Variants in BLOC1S3 observed in about 807,000 individuals in gnomAD.
BLOC1S3 encodes biogenesis of lysosome-related organelles complex 1 subunit 3.
A neutral mutation model predicts 9.1 loss-of-function variants in BLOC1S3; 7 were observed. The ratio of observed to expected loss-of-function variants is 0.77; its 90% CI spans 0.44 to 1.45. The LOEUF (loss-of-function observed/expected upper bound fraction) is 1.45. Ranked by LOEUF, BLOC1S3 falls within the 40% of genes most tolerant of loss-of-function variation. The pLI, the probability that BLOC1S3 is intolerant of heterozygous loss-of-function variation, is 0.01. For missense variants in BLOC1S3, 307 were observed against 315.2 expected, an observed-to-expected ratio of 0.97 and a Z score of 0.20; for synonymous variants, 145 against 158.4, an observed-to-expected ratio of 0.92 and a Z score of 0.64.
downstream of BLOC1S3, among the ~76,000 whole-genome samples, chr19:45,184,903 C>CAAAAAAAAAAAAAAAAAAAAAAAAA (rs71338752): frequency 4.1e-5 from 2 of 48,278 alleles, no homozygotes; most frequent in Non-Finnish European, 4.0e-5. Context: ...CTGTCTCAAA[C>CAAAAAAAAAAAAAAAAAAAAAAAAA]AAAAAAAAAA....
At chr19:45,209,835 G>A (rs1448976680) in intron 3 of BLOC1S3, among the ~76,000 whole-genome samples, 3 of 151,962 alleles carry the variant, frequency 2.0e-5, no homozygotes, top group South Asian at 2.1e-4. Context: ...GGGTTCAAGC[G>A]ATTCTCCTGA....
Position 45,179,487 on chromosome 19 carries a change from A to T in BLOC1S3, c.191A>T (p.Asp64Val). The T allele has an allele frequency of 1.3e-6, 2 of 1,522,934 alleles. No individual in the cohort carries two copies. Among genetic ancestry groups the T allele is most frequent in the Non-Finnish European group, 1.8e-6 (2 of 1,142,194 alleles). The allele number at this position is 1,522,934 out of a possible 1,614,324, so 94.3% of individuals were successfully genotyped here. ...LRVAGEAAET[D>V]SEPEPEPEPT... ...GTGGCTGGGGAAGCCGCGGAGACCGACTCGGAGCCGGAGCCGGAGCCGGAA... is the reference window on the plus strand; with the variant it reads ...GTGGCTGGGGAAGCCGCGGAGACCGTCTCGGAGCCGGAGCCGGAGCCGGAA... The change falls in exon 2 of 2, where the codon GAC becomes GTC. Residue 64 changes from aspartate to valine, a missense_variant. Physicochemically the swap from Asp to Val is radical, Grantham distance 152. Transcript: ENST00000433642. The surrounding 1 kb of genome is among the most constrained non-coding windows in gnomAD (Gnocchi z 4.6).
chr19:45,193,762 C>A (rs73566243), intron 2 of BLOC1S3, among the ~76,000 whole-genome samples: 9,752 of 143,374 alleles, frequency 0.068, 548 homozygotes, highest in African/African-American at 0.15. Flanking sequence ...GCTGTGTAGT[C>A]ACTGAAGTTT....
At chr19:45,216,017 C>T in intron 3 of BLOC1S3, 2 of 1,600,090 alleles carry the variant, frequency 1.2e-6, no homozygotes, top group Non-Finnish European at 1.7e-6. Flanking sequence ...GATGCCAAGG[C>T]CGCCAGGAGA....
At chr19:45,216,301 G>T in intron 3 of BLOC1S3, 1 of 1,437,446 alleles carries the variant, frequency 7.0e-7, no homozygotes. Context: ...AGAAACCAGG[G>T]GTGGTGGCTC....
chr19:45,211,511 A>G (rs1287448747), intron 3 of BLOC1S3, among the ~76,000 whole-genome samples: 2 of 128,858 alleles, frequency 1.6e-5, no homozygotes, highest in African/African-American at 2.8e-5. Flanking sequence ...ACTCTGACTG[A>G]AAAAAAAAAA....
Position 45,179,029 on chromosome 19 carries a change from G to T in BLOC1S3, c.-10+198G>T, listed in dbSNP as rs1434118382. Among the ~76,000 whole-genome samples the T allele has an allele frequency of 1.3e-5, 2 of 152,220 alleles. No homozygotes were observed. Among genetic ancestry groups the T allele is most frequent in the Admixed American group, 1.3e-4 (2 of 15,284 alleles). On this transcript the variant is annotated intron_variant, in intron 1 of 1. Transcript: ENST00000433642. This position sits in a 1 kb window ranked among gnomAD's most constrained non-coding sequence, Gnocchi z 4.6. ...AGGAGGCAAATTCGTAAAGACCTCG[G>T]CTTGGGACTCCGGGAACTCGGGCCC...
intron 2 of BLOC1S3, among the ~76,000 whole-genome samples, chr19:45,193,132 CAAAA>C (rs71173123): frequency 2.7e-4 from 21 of 77,950 alleles, no homozygotes; most frequent in African/African-American, 6.6e-4. Context: ...AACTCCGTCT[CAAAA>C]AAAAAAAAAA....
chr19:45,188,725 C>A (rs1312522180), intron 2 of BLOC1S3, among the ~76,000 whole-genome samples: 1 of 151,512 alleles, frequency 6.6e-6, no homozygotes, highest in African/African-American at 2.4e-5. Flanking sequence ...GGCACGCGCC[C>A]CCATGCCTGG....
chr19:45,206,450 G>GTTTTTTTTTTTTTTTTTTTTTTTGT (rs1969727020), intron 3 of BLOC1S3, among the ~76,000 whole-genome samples: 1 of 55,152 alleles, frequency 1.8e-5, no homozygotes, highest in Non-Finnish European at 3.1e-5. Flanking sequence ...GATTAATCAA[G>GTTTTTTTTTTTTTTTTTTTTTTTGT]TTTTTTTTTT....
chr19:45,191,199 C>G (rs1167036681), intron 2 of BLOC1S3, among the ~76,000 whole-genome samples: 1 of 151,488 alleles, frequency 6.6e-6, no homozygotes, highest in Admixed American at 6.6e-5. Context: ...CTCGGCTCAC[C>G]ACAACCTCCG....
chr19:45,179,020 A>G lies in BLOC1S3; in HGVS notation c.-10+189A>G, dbSNP rs1377750672. On this transcript the variant is annotated intron_variant, in intron 1 of 1. Transcript: ENST00000433642. This position sits in a 1 kb window ranked among gnomAD's most constrained non-coding sequence, Gnocchi z 4.6. ...GCCTCTACTAGGAGGCAAATTCGTA[A>G]AGACCTCGGCTTGGGACTCCGGGAA... Among the ~76,000 whole-genome samples, 2 of 152,106 alleles carry G rather than the reference A, an allele frequency of 1.3e-5. No individual in the cohort carries two copies. Among genetic ancestry groups the G allele is most frequent in the Non-Finnish European group, 2.9e-5 (2 of 68,012 alleles).
In BLOC1S3 at chr19:45,212,235, A is replaced by G. The variant is rs73939818; in HGVS notation, n.283-4441A>G. ...GGTTGGCGTCGCTCCCAGCACATGCAGCCTCCCTCTACCTCCACTACCCTG... is the reference window on the plus strand; with the variant it reads ...GGTTGGCGTCGCTCCCAGCACATGCGGCCTCCCTCTACCTCCACTACCCTG... On this transcript the variant is annotated intron_variant and non_coding_transcript_variant, in intron 3 of 3. Transcript: ENST00000591569. Among the ~76,000 whole-genome samples, 1,321 of 152,288 alleles carry G rather than the reference A, an allele frequency of 8.7e-3. 16 individuals are homozygous for G. Among genetic ancestry groups the G allele is most frequent in the African/African-American group, 0.03 (1,241 of 41,566 alleles).
At chr19:45,193,129 T>G (rs1969618882) in intron 2 of BLOC1S3, among the ~76,000 whole-genome samples, 1 of 47,572 alleles carries the variant, frequency 2.1e-5, no homozygotes, top group African/African-American at 8.3e-5. Context: ...CAAAACTCCG[T>G]CTCAAAAAAA....
intron 3 of BLOC1S3, among the ~76,000 whole-genome samples, chr19:45,215,775 G>A (rs1027950543): frequency 2.0e-5 from 3 of 152,128 alleles, no homozygotes; most frequent in South Asian, 2.1e-4. Flanking sequence ...AGTCCCCTGC[G>A]GCTCCCCTGC....
At chr19:45,214,707 C>A (rs1275851844) in intron 3 of BLOC1S3, among the ~76,000 whole-genome samples, 7 of 151,862 alleles carry the variant, frequency 4.6e-5, no homozygotes, top group Admixed American at 4.6e-4. Flanking sequence ...TCAGGTGATC[C>A]ACCTACCTCG....
Position 45,179,617 on chromosome 19 carries a change from G to T in BLOC1S3, c.321G>T (p.Ser107=), listed in dbSNP as rs1178223936. 6.8e-7 allele frequency: 1 copy of T among 1,469,924 alleles called. No individual in the cohort carries two copies. Among genetic ancestry groups the T allele is most frequent in the Non-Finnish European group, 9.0e-7 (1 of 1,117,304 alleles). 91.1% of individuals were successfully genotyped at this position (1,469,924 alleles called of 1,614,324 possible). ...EEAPAPAPAR[S]LLQLRLAESQ... ...CCCCGGCGCCCGCCCCCGCGCGCTC[G>T]CTCCTGCAACTTCGGCTGGCGGAGA... Residue 107 remains serine (S), a synonymous_variant, in exon 2 of 2, where the codon TCG becomes TCT. Transcript: ENST00000433642. This position sits in a 1 kb window ranked among gnomAD's most constrained non-coding sequence, Gnocchi z 4.6.
At chr19:45,212,896 G>C in intron 3 of BLOC1S3, 1 of 671,042 alleles carries the variant, frequency 1.5e-6, no homozygotes, top group Non-Finnish European at 2.2e-6. Flanking sequence ...CACCGTGCCT[G>C]GCGTTTGTTT....
intron 3 of BLOC1S3, among the ~76,000 whole-genome samples, chr19:45,214,656 T>G (rs998239617): frequency 7.9e-5 from 12 of 151,292 alleles, no homozygotes; most frequent in Admixed American, 7.9e-4. Flanking sequence ...GTAGAGACGG[T>G]GTTTCACCAT....
Sources: gnomAD v4.1 joint callset for allele counts (sites outside exome capture counted in the v4.1 genomes callset) on GRCh38, gnomAD v4.1.1 for gene constraint, Gnocchi (gnomAD v3.1) non-coding constraint, MANE v1.5 for transcripts, NCBI Gene and HGNC (gene_info 2026-07-23, HGNC 2026-07-21) for gene names.